UNC5C: variants seen among roughly 807,000 people sequenced by gnomAD.
UNC5C encodes the protein unc-5 netrin receptor C, also known as netrin receptor UNC5C.
UNC5C carries 47 observed loss-of-function variants against 99.8 expected under a neutral mutation model. The observed-to-expected ratio is 0.47, with a 90% CI of 0.37 to 0.60. The LOEUF is 0.60. Ranked by LOEUF, UNC5C falls within the 20% of genes least tolerant of loss-of-function variation. The pLI is 0.00. For missense variants in UNC5C, 1,062 were observed against 1,165.9 expected (o/e 0.91, Z 1.30); for synonymous variants, 487 against 452.2 (o/e 1.08, Z -0.98).
rs539409717 is a variant in UNC5C at position 95,335,357 on chromosome 4, A to T, written c.346+53T>A. 21 of 1,471,250 alleles carry T rather than the reference A, an allele frequency of 1.4e-5. 1 individual carries two copies. In the East Asian group the frequency reaches 4.6e-4, roughly 32 times the overall value. The allele number at this position is 1,471,250 out of a possible 1,614,324, so 91.1% of individuals were successfully genotyped here. On this transcript the variant is annotated intron_variant, in intron 2 of 15. Transcript: ENST00000453304. Reference sequence around the variant, plus strand: ...AAATAACAGTATGTCCACATGCTAGAGTAGTGAGTAAGTGAATCTTGAAGT... The same window carrying T: ...AAATAACAGTATGTCCACATGCTAGTGTAGTGAGTAAGTGAATCTTGAAGT...
chr4:95,520,958 A>G (rs1434015421), intron 1 of UNC5C, among the ~76,000 whole-genome samples: 3 of 152,008 alleles, frequency 2.0e-5, no homozygotes, highest in African/African-American at 7.2e-5. Context: ...CTGGGAAAAT[A>G]ATGATGCCCC....
Position 95,488,082 on chromosome 4 carries a change from C to G in UNC5C, c.124+60652G>C, listed in dbSNP as rs75368800. Reference sequence around the variant, plus strand: ...TAACACACTGGTCCAATCAACAAAGCAATTTAGTCCCATTCAGTCAAACTA... The same window carrying G: ...TAACACACTGGTCCAATCAACAAAGGAATTTAGTCCCATTCAGTCAAACTA... On this transcript the variant is annotated intron_variant, in intron 1 of 15. Transcript: ENST00000453304. Among the ~76,000 whole-genome samples, 146 of 151,812 alleles carry G rather than the reference C, an allele frequency of 9.6e-4. 1 individual carries two copies. The East Asian group carries it at 0.022, about 22-fold the overall frequency.
At position 95,263,354 on chromosome 4, in the gene UNC5C, T is replaced by C. The variant is rs567552327; in HGVS notation, c.595-12687A>G. Among the ~76,000 whole-genome samples, 10 of 152,304 alleles carry C rather than the reference T, an allele frequency of 6.6e-5. No individual in the cohort carries two copies. The South Asian group carries it at 2.1e-3, about 32-fold the overall frequency. ...CAAGGAGATATGTATTTTTTAAGTC[T>C]TTTAGGGATATGCTAGCAAAAATTT... On this transcript the variant is annotated intron_variant, in intron 4 of 15. Transcript: ENST00000453304.
At chr4:95,389,620 T>C (rs1011567482) in intron 1 of UNC5C, among the ~76,000 whole-genome samples, 2 of 152,130 alleles carry the variant, frequency 1.3e-5, no homozygotes, top group African/African-American at 4.8e-5. Flanking sequence ...ATTTCTGTTA[T>C]TGGAATAATT....
chr4:95,475,356 G>A (rs2149475858), intron 1 of UNC5C, among the ~76,000 whole-genome samples: 1 of 151,998 alleles, frequency 6.6e-6, no homozygotes, highest in South Asian at 2.1e-4. Flanking sequence ...GGAAATTGAA[G>A]TTGCTTCAAT....
intron 1 of UNC5C, among the ~76,000 whole-genome samples, chr4:95,524,180 G>T (rs1722437588): frequency 2.0e-5 from 3 of 152,134 alleles, no homozygotes; most frequent in African/African-American, 4.8e-5. Context: ...AAGGCTAAGG[G>T]TGTTAGGGTA....
chr4:95,279,341 G>GATGACAAGAAGACTAGTCA (rs1740970987), intron 3 of UNC5C, among the ~76,000 whole-genome samples: 2 of 152,130 alleles, frequency 1.3e-5, no homozygotes, highest in Non-Finnish European at 2.9e-5. Context: ...TATAGATATA[G>GATGACAAGAAGACTAGTCA]TTGATACAGG....
intron 1 of UNC5C, among the ~76,000 whole-genome samples, chr4:95,489,758 G>A (rs1005769208): frequency 2.1e-4 from 32 of 151,664 alleles, no homozygotes; most frequent in African/African-American, 7.7e-4. Flanking sequence ...GGAATGGGAT[G>A]CAGAGGAGGA....
intron 3 of UNC5C, among the ~76,000 whole-genome samples, chr4:95,293,851 A>C (rs1741576552): frequency 6.6e-6 from 1 of 152,150 alleles, no homozygotes; most frequent in South Asian, 2.1e-4. Context: ...CACTCATCAC[A>C]TAGAGTCCTT....
chr4:95,388,204 C>A (rs1745263871), intron 1 of UNC5C, among the ~76,000 whole-genome samples: 1 of 152,118 alleles, frequency 6.6e-6, no homozygotes, highest in Non-Finnish European at 1.5e-5. Context: ...AGTAATTTAC[C>A]AATCTGGCAC....
At chr4:95,212,382 T>C (rs902254914) in intron 10 of UNC5C, among the ~76,000 whole-genome samples, 2 of 152,180 alleles carry the variant, frequency 1.3e-5, no homozygotes, top group Non-Finnish European at 2.9e-5. Flanking sequence ...ATTTTTGAGA[T>C]CCTATTTATA....
intron 1 of UNC5C, among the ~76,000 whole-genome samples, chr4:95,434,796 A>G (rs914297797): frequency 2.6e-5 from 4 of 151,992 alleles, no homozygotes; most frequent in African/African-American, 9.7e-5. Flanking sequence ...AGCTCAAAGA[A>G]CTTATTATTT....
At chr4:95,526,870 C>T (rs1228510882) in intron 1 of UNC5C, among the ~76,000 whole-genome samples, 3 of 151,668 alleles carry the variant, frequency 2.0e-5, no homozygotes, top group Admixed American at 2.0e-4. Context: ...AATAAAAACA[C>T]AAAAGAATAA....
intron 1 of UNC5C, among the ~76,000 whole-genome samples, chr4:95,391,085 C>T (rs1025974428): frequency 3.9e-5 from 6 of 152,214 alleles, no homozygotes; most frequent in Non-Finnish European, 8.8e-5. Flanking sequence ...CCTGCACACG[C>T]TCTCCTGCCT....
intron 1 of UNC5C, among the ~76,000 whole-genome samples, chr4:95,440,566 T>C (rs1166658892): frequency 6.6e-6 from 1 of 152,168 alleles, no homozygotes; most frequent in East Asian, 1.9e-4. Flanking sequence ...CACTCAAAAA[T>C]ACTGCATATA....
intron 12 of UNC5C, among the ~76,000 whole-genome samples, chr4:95,199,333 T>TTGTC (rs1184086401): frequency 3.3e-5 from 5 of 152,162 alleles, no homozygotes. Flanking sequence ...ACTGAAATAA[T>TTGTC]TGTCTCTTCG....
chr4:95,370,528 G>A (rs1744712531), intron 1 of UNC5C, among the ~76,000 whole-genome samples: 1 of 152,116 alleles, frequency 6.6e-6, no homozygotes, highest in Non-Finnish European at 1.5e-5. Context: ...TCCTGTCACT[G>A]GCTTTTGCAA....
chr4:95,334,914 T>A (rs1743273052), intron 2 of UNC5C, among the ~76,000 whole-genome samples: 1 of 152,010 alleles, frequency 6.6e-6, no homozygotes, highest in Non-Finnish European at 1.5e-5. Context: ...GGATTCACTT[T>A]GGATGTAAGT....
At chr4:95,524,773 T>C (rs1475749515) in intron 1 of UNC5C, among the ~76,000 whole-genome samples, 1 of 152,086 alleles carries the variant, frequency 6.6e-6, no homozygotes, top group African/African-American at 2.4e-5. Flanking sequence ...TAAATCTGCA[T>C]GGGGGCAGCT....
Sources: allele counts gnomAD v4.1 joint callset (sites outside exome capture counted in the v4.1 genomes callset), GRCh38; gene constraint gnomAD v4.1.1; transcripts MANE v1.5; gene names NCBI Gene and HGNC (gene_info 2026-07-23, HGNC 2026-07-21).